CDYL: variants seen among roughly 807,000 people sequenced by gnomAD.
The protein encoded by CDYL is chromodomain Y-like protein.
CDYL carries 8 observed loss-of-function variants against 47.3 expected under a neutral mutation model. The ratio of observed to expected loss-of-function variants is 0.17; its 90% CI spans 0.10 to 0.31. The LOEUF is 0.31. CDYL is among the 10% of genes least tolerant of loss of function. The pLI is 1.00. For missense variants in CDYL, 471 were observed against 701.4 expected (o/e 0.67, Z 3.71); for synonymous variants, 266 against 265.0 (o/e 1.00, Z -0.04).
chr6:4,713,563 G>T (rs979094903), intron 1 of CDYL, among the ~76,000 whole-genome samples: 1 of 150,468 alleles, frequency 6.6e-6, no homozygotes, highest in Non-Finnish European at 1.5e-5. Flanking sequence ...TGAATACAGA[G>T]TCTTAAAACT....
chr6:4,768,176 C>A (rs980387799), intron 3 of CDYL, among the ~76,000 whole-genome samples: 3 of 152,230 alleles, frequency 2.0e-5, no homozygotes, highest in African/African-American at 7.2e-5. Context: ...ATTTCCAATG[C>A]CCTCTTCACC....
intron 2 of CDYL, among the ~76,000 whole-genome samples, chr6:4,899,087 G>A (rs1195277823): frequency 6.6e-6 from 1 of 152,146 alleles, no homozygotes; most frequent in Admixed American, 6.5e-5. Context: ...ACCTGGTTTT[G>A]ACAACAGTTT....
intron 1 of CDYL, among the ~76,000 whole-genome samples, chr6:4,706,784 C>A (rs1757054105): frequency 6.6e-6 from 1 of 151,948 alleles, no homozygotes; most frequent in African/African-American, 2.4e-5. Context: ...GAGACACTGT[C>A]GTAAAATAAA....
chr6:4,919,956 C>G (rs375535049), intron 2 of CDYL, among the ~76,000 whole-genome samples: 1 of 137,230 alleles, frequency 7.3e-6, no homozygotes, highest in Non-Finnish European at 1.6e-5. Context: ...ACCCAAGTGT[C>G]TATCATCAGC....
intron 1 of CDYL, among the ~76,000 whole-genome samples, chr6:4,860,192 C>T (rs1296427544): frequency 6.6e-6 from 1 of 152,096 alleles, no homozygotes; most frequent in Non-Finnish European, 1.5e-5. Context: ...TGAGCCACCA[C>T]GCCCAGCCAG....
At chr6:4,879,876 C>T (rs952843786) in intron 1 of CDYL, among the ~76,000 whole-genome samples, 1 of 152,046 alleles carries the variant, frequency 6.6e-6, no homozygotes, top group Non-Finnish European at 1.5e-5. Context: ...TTTTAATAGA[C>T]TATTTTTTTA....
At chr6:4,717,360 CAT>C (rs1757284168) in intron 2 of CDYL, among the ~76,000 whole-genome samples, 1 of 152,108 alleles carries the variant, frequency 6.6e-6, no homozygotes, top group African/African-American at 2.4e-5. Context: ...GCAGCTGGCT[CAT>C]CCAGGATCCA....
chr6:4,724,793 T>G (rs1000454278), intron 2 of CDYL: 3 of 152,132 alleles, frequency 2.0e-5, no homozygotes, highest in African/African-American at 7.2e-5. Flanking sequence ...ACAAAAGCAG[T>G]GTGGACTCAA....
At chr6:4,724,827 T>C (rs560102313) in intron 2 of CDYL, 4 of 152,322 alleles carry the variant, frequency 2.6e-5, no homozygotes, top group Admixed American at 1.3e-4. Context: ...ACAATATTTA[T>C]TGCAAAGAGC....
intron 1 of CDYL, among the ~76,000 whole-genome samples, chr6:4,852,377 C>T (rs765768976): frequency 6.9e-5 from 10 of 144,786 alleles, no homozygotes; most frequent in Middle Eastern, 3.8e-3. Flanking sequence ...CTTCCTCCTT[C>T]CTTCCTATCT....
intron 2 of CDYL, among the ~76,000 whole-genome samples, chr6:4,895,151 A>G (rs1485544868): frequency 4.1e-5 from 5 of 121,438 alleles, no homozygotes; most frequent in South Asian, 3.2e-4. Context: ...ATGTATCTAT[A>G]CACATACATG....
intron 1 of CDYL, among the ~76,000 whole-genome samples, chr6:4,708,614 T>C (rs1270507256): frequency 6.6e-6 from 1 of 152,246 alleles, no homozygotes; most frequent in East Asian, 1.9e-4. Flanking sequence ...GATTTTATAC[T>C]GTTCCTTAAA....
At chr6:4,767,233 T>C (rs1758268010) in intron 3 of CDYL, among the ~76,000 whole-genome samples, 1 of 151,296 alleles carries the variant, frequency 6.6e-6, no homozygotes, top group Non-Finnish European at 1.5e-5. Flanking sequence ...TTTCAGTAGA[T>C]GACAAAATTC....
intron 2 of CDYL, among the ~76,000 whole-genome samples, chr6:4,913,795 A>G (rs944702928): frequency 1.3e-5 from 2 of 152,264 alleles, no homozygotes; most frequent in African/African-American, 4.8e-5. Flanking sequence ...GCCTGAAAGC[A>G]GCCAAAGACA....
At chr6:4,850,526 T>G (rs1760792446) in intron 1 of CDYL, among the ~76,000 whole-genome samples, 1 of 152,218 alleles carries the variant, frequency 6.6e-6, no homozygotes, top group Non-Finnish European at 1.5e-5. Flanking sequence ...TTCTATAAGT[T>G]TCTTAATTTT....
intron 3 of CDYL, among the ~76,000 whole-genome samples, chr6:4,745,570 C>T (rs958257867): frequency 1.5e-5 from 2 of 136,124 alleles, no homozygotes; most frequent in African/African-American, 5.6e-5. Flanking sequence ...AGTGAAACCC[C>T]ATCTCTATTA....
At chr6:4,862,409 C>T (rs770249048) in intron 1 of CDYL, among the ~76,000 whole-genome samples, 44 of 152,282 alleles carry the variant, frequency 2.9e-4, no homozygotes, top group South Asian at 8.3e-4. Context: ...TGCCTGGTGA[C>T]AGCTCACCCT....
chr6:4,926,768 G>A (rs1307488330), intron 2 of CDYL, among the ~76,000 whole-genome samples: 1 of 152,128 alleles, frequency 6.6e-6, no homozygotes, highest in Non-Finnish European at 1.5e-5. Flanking sequence ...AAACTCACAT[G>A]GAAACATTGT....
chr6:4,738,803 A>G (rs1757746793), intron 3 of CDYL, among the ~76,000 whole-genome samples: 1 of 152,228 alleles, frequency 6.6e-6, no homozygotes, highest in Admixed American at 6.5e-5. Flanking sequence ...ATAAACTACA[A>G]TGGAACAATA....
Sources: allele counts gnomAD v4.1 joint callset (sites outside exome capture counted in the v4.1 genomes callset), GRCh38; gene constraint gnomAD v4.1.1; transcripts MANE v1.5; gene names NCBI Gene and HGNC (gene_info 2026-07-23, HGNC 2026-07-21).